Variants in CNTN4 observed in about 807,000 individuals in gnomAD.
CNTN4 encodes contactin 4.
A neutral mutation model predicts 122.5 loss-of-function variants in CNTN4; 77 were observed. The ratio of observed to expected loss-of-function variants is 0.63; its 90% CI spans 0.52 to 0.76. CNTN4 has a LOEUF of 0.76. Among genes scored for constraint, CNTN4 ranks in the 30% least tolerant of loss-of-function variants. CNTN4 has a pLI of 0.00. For synonymous variants in CNTN4, 512 were observed against 447.0 expected (o/e 1.15, Z -1.83); for missense variants, 1,256 against 1,259.1 (o/e 1.00, Z 0.04).
chr3:3,038,086 A>T (rs1699778830), intron 18 of CNTN4, among the ~76,000 whole-genome samples: 1 of 152,224 alleles, frequency 6.6e-6, no homozygotes, highest in South Asian at 2.1e-4. Flanking sequence ...GCAAAAACTC[A>T]TCTAGATCTA....
chr3:2,105,395 T>C (rs1158336941), intron 2 of CNTN4, among the ~76,000 whole-genome samples: 7 of 152,216 alleles, frequency 4.6e-5, no homozygotes, highest in Non-Finnish European at 1.0e-4. Context: ...TAGAAAGAAC[T>C]GCCTGAGACT....
At chr3:3,032,170 G>A (rs2125685214) in intron 16 of CNTN4, among the ~76,000 whole-genome samples, 1 of 152,264 alleles carries the variant, frequency 6.6e-6, no homozygotes, top group South Asian at 2.1e-4. Context: ...TTCAACCGAG[G>A]TAGATCTGCC....
At chr3:2,991,971 T>A (rs1695100063) in intron 14 of CNTN4, among the ~76,000 whole-genome samples, 1 of 152,198 alleles carries the variant, frequency 6.6e-6, no homozygotes, top group Non-Finnish European at 1.5e-5. Context: ...TCAGAACATA[T>A]CTTTTCTAAC....
intron 12 of CNTN4, among the ~76,000 whole-genome samples, chr3:2,907,190 A>T (rs750163067): frequency 3.9e-5 from 6 of 152,160 alleles, no homozygotes; most frequent in Non-Finnish European, 8.8e-5. Context: ...TTTTGGATCA[A>T]ATAACTAAAT....
At chr3:2,440,781 CAT>C (rs941832801) in intron 3 of CNTN4, among the ~76,000 whole-genome samples, 1 of 148,248 alleles carries the variant, frequency 6.7e-6, no homozygotes, top group African/African-American at 2.5e-5. Flanking sequence ...CATATTTGTA[CAT>C]ATATATTCAT....
At chr3:2,529,098 T>A (rs2077502906) in intron 3 of CNTN4, among the ~76,000 whole-genome samples, 1 of 152,026 alleles carries the variant, frequency 6.6e-6, no homozygotes, top group African/African-American at 2.4e-5. Context: ...TTTCTCCCTA[T>A]CTTTGCTCTC....
At chr3:2,545,819 T>A (rs1356537832) in intron 3 of CNTN4, among the ~76,000 whole-genome samples, 1 of 152,018 alleles carries the variant, frequency 6.6e-6, no homozygotes, top group Non-Finnish European at 1.5e-5. Flanking sequence ...TGCTTTGTTA[T>A]CCACCTTGCC....
rs1327870789 is a variant in CNTN4 at position 2,179,442 on chromosome 3, T to A, written c.-145+78803T>A. ...ACAATACCTTGTACCTCCAATGAAG[T>A]TGAGATAATAAACTTCAACTTCCAG... On this transcript the variant is annotated intron_variant, in intron 2 of 24. Coordinates refer to ENST00000418658, the MANE Select transcript of CNTN4 (RefSeq NM_175607.3). Among the ~76,000 whole-genome samples, 4 of 152,082 alleles carry A rather than the reference T, an allele frequency of 2.6e-5. No individual in the cohort carries two copies. The East Asian group carries it at 7.7e-4, about 29-fold the overall frequency.
chr3:2,772,293 AAG>A (rs2091137091), intron 6 of CNTN4, among the ~76,000 whole-genome samples: 1 of 151,270 alleles, frequency 6.6e-6, no homozygotes. Context: ...AAGAAATAAT[AAG>A]AGTCTATCCT....
chr3:2,323,547 C>T lies in CNTN4; in HGVS notation c.-144-15631C>T, dbSNP rs1043151711. On this transcript the variant is annotated intron_variant, in intron 2 of 24. Coordinates refer to ENST00000418658, the MANE Select transcript of CNTN4 (RefSeq NM_175607.3). ...CTTGTAGCTCTTAGATTTAAATGAT[C>T]ACCTGTTCTTTTTTGTAGTCAAGTT... Among the ~76,000 whole-genome samples, 5 of 152,254 alleles carry T rather than the reference C, an allele frequency of 3.3e-5. No homozygotes were observed. The East Asian group carries it at 9.7e-4, about 29-fold the overall frequency.
chr3:2,980,978 C>A (rs28575375), intron 13 of CNTN4, among the ~76,000 whole-genome samples: 68,825 of 151,920 alleles, frequency 0.45, 16,017 homozygotes, highest in African/African-American at 0.57. Flanking sequence ...AGAGAAGGGA[C>A]GATGGAGCCA....
intron 4 of CNTN4, among the ~76,000 whole-genome samples, chr3:2,676,565 G>A (rs1050046641): frequency 6.6e-6 from 1 of 152,184 alleles, no homozygotes; most frequent in African/African-American, 2.4e-5. Flanking sequence ...ACAATTTGGA[G>A]GTATGGGAGA....
chr3:2,238,955 G>A (rs1426769967), intron 2 of CNTN4: 7 of 146,114 alleles, frequency 4.8e-5, no homozygotes, highest in Non-Finnish European at 9.0e-5. Context: ...TCGATCTCCT[G>A]ACCTCGTGAT....
At chr3:2,838,008 A>G (rs545688425) in intron 7 of CNTN4, among the ~76,000 whole-genome samples, 1 of 152,316 alleles carries the variant, frequency 6.6e-6, no homozygotes. Context: ...AACAATTAAG[A>G]ATCGAGTCTG....
At chr3:2,598,667 G>T (rs904375733) in intron 4 of CNTN4, among the ~76,000 whole-genome samples, 1 of 152,152 alleles carries the variant, frequency 6.6e-6, no homozygotes, top group Non-Finnish European at 1.5e-5. Flanking sequence ...AGCCGTAATA[G>T]AAATTCAGTA....
intron 8 of CNTN4, among the ~76,000 whole-genome samples, chr3:2,876,390 T>A (rs935474136): frequency 3.9e-5 from 6 of 152,214 alleles, no homozygotes; most frequent in Admixed American, 3.9e-4. Context: ...CAAATGTTTT[T>A]AGGTTAGTGA....
At chr3:2,482,772 T>C (rs556349112) in intron 3 of CNTN4, among the ~76,000 whole-genome samples, 195 of 152,332 alleles carry the variant, frequency 1.3e-3, no homozygotes, top group African/African-American at 4.5e-3. Context: ...GTGTTGGTCC[T>C]CTGTATACAC....
intron 6 of CNTN4, among the ~76,000 whole-genome samples, chr3:2,757,829 A>G (rs926744329): frequency 1.3e-5 from 2 of 152,214 alleles, no homozygotes; most frequent in African/African-American, 2.4e-5. Flanking sequence ...ATTCTGTTAC[A>G]TATTTCACCA....
intron 13 of CNTN4, among the ~76,000 whole-genome samples, chr3:2,957,893 TGAAC>T (rs1216745190): frequency 2.0e-5 from 3 of 152,216 alleles, no homozygotes; most frequent in African/African-American, 7.2e-5. Flanking sequence ...AGTGCTGCGA[TGAAC>T]GTAAAGTGCA....
Sources: gnomAD v4.1 joint callset for allele counts (sites outside exome capture counted in the v4.1 genomes callset) on GRCh38, gnomAD v4.1.1 for gene constraint, MANE v1.5 for transcripts, NCBI Gene and HGNC (gene_info 2026-07-23, HGNC 2026-07-21) for gene names.